The following PLSCR5 variants were observed in gnomAD, a reference collection of about 807,000 sequenced individuals.
PLSCR5 encodes the protein phospholipid scramblase family, member 5.
In PLSCR5, 44 loss-of-function variants were observed where a neutral mutation model predicts 33.6. That is an observed-to-expected ratio of 1.31 (90% CI 1.03 to 1.69). The LOEUF is 1.69. Ranked by LOEUF, PLSCR5 falls within the 40% of genes most tolerant of loss-of-function variation. The pLI, the probability that PLSCR5 is intolerant of heterozygous loss-of-function variation, is 0.00. For missense variants in PLSCR5, 375 were observed against 318.7 expected, an observed-to-expected ratio of 1.18 and a Z score of -1.34; for synonymous variants, 148 against 112.3, an observed-to-expected ratio of 1.32 and a Z score of -2.01.
At chr3:146,589,523 TA>T in intron 6 of PLSCR5, 129 bp downstream of exon 6, 1 of 921,836 alleles carries the variant, frequency 1.1e-6, no homozygotes, top group Non-Finnish European at 1.5e-6. Context: ...ACATTGGTCC[TA>T]AGCTATCCTT....
downstream of PLSCR5, among the ~76,000 whole-genome samples, chr3:146,581,410 G>C (rs1455508889): frequency 6.6e-6 from 1 of 152,146 alleles, no homozygotes; most frequent in East Asian, 1.9e-4. Context: ...ACAAAGGCAG[G>C]AACCTTGTTG....
At chr3:146,578,967 A>G (rs1177056696) in intron 7 of PLSCR5, among the ~76,000 whole-genome samples, 2 of 151,992 alleles carry the variant, frequency 1.3e-5, no homozygotes, top group East Asian at 3.8e-4. Flanking sequence ...CTTTAACAAG[A>G]TTTTTAATGA....
intron 2 of PLSCR5, among the ~76,000 whole-genome samples, chr3:146,596,542 CAA>C (rs377162931): frequency 3.3e-5 from 5 of 152,242 alleles, no homozygotes; most frequent in African/African-American, 1.2e-4. Flanking sequence ...TCCAGTAATG[CAA>C]AAGCATGAAC....
intron 6 of PLSCR5, among the ~76,000 whole-genome samples, chr3:146,586,814 G>A (rs1027369415): frequency 2.6e-5 from 4 of 152,048 alleles, no homozygotes; most frequent in Admixed American, 2.0e-4. Context: ...GCTTTCGCCT[G>A]AATAAAATAG....
intron 5 of PLSCR5, among the ~76,000 whole-genome samples, chr3:146,590,715 T>G (rs900744162): frequency 2.6e-5 from 4 of 152,084 alleles, no homozygotes; most frequent in African/African-American, 9.6e-5. Context: ...CCAAATCCTT[T>G]GGGGATAGGG....
At chr3:146,596,706 A>G (rs376254189) in intron 2 of PLSCR5, among the ~76,000 whole-genome samples, 1 of 152,314 alleles carries the variant, frequency 6.6e-6, no homozygotes, top group East Asian at 1.9e-4. Context: ...TTGATTGGAC[A>G]TCACAATCTC....
chr3:146,601,600 A>G (rs555428306), intron 1 of PLSCR5, among the ~76,000 whole-genome samples: 24 of 126,072 alleles, frequency 1.9e-4, no homozygotes, highest in Admixed American at 7.5e-4. Flanking sequence ...TTGCTTCTGC[A>G]TTGACAACAA....
At chr3:146,592,942 C>T (rs1305803155) in intron 4 of PLSCR5, among the ~76,000 whole-genome samples, 1 of 152,066 alleles carries the variant, frequency 6.6e-6, no homozygotes, top group Non-Finnish European at 1.5e-5. Context: ...TTCTTGGGCT[C>T]CATGCACGAG....
chr3:146,595,314 G>T lies in PLSCR5; in HGVS notation c.190-231C>A, dbSNP rs535089649. On this transcript the variant is annotated intron_variant, in intron 2 of 7. Coordinates refer to ENST00000443512, the MANE Select transcript of PLSCR5 (RefSeq NM_001085420.2). Reference sequence around the variant, plus strand: ...CTTGAAAATTCCAAGGCAGCATTGAGCAAGAATAAGAATAGCAACGGGGCT... The same window carrying T: ...CTTGAAAATTCCAAGGCAGCATTGATCAAGAATAAGAATAGCAACGGGGCT... 2.6e-3 allele frequency among the ~76,000 whole-genome samples: 398 copies of T among 152,200 alleles called. 2 individuals carry two copies. The highest frequency in any genetic ancestry group is 4.6e-3 in the Non-Finnish European group (310 of 68,010).
chr3:146,592,628 A>G (rs1391673551), intron 4 of PLSCR5, among the ~76,000 whole-genome samples: 2 of 152,142 alleles, frequency 1.3e-5, no homozygotes, highest in African/African-American at 4.8e-5. Context: ...TGAAGTTCAT[A>G]GTCTTATGCA....
At chr3:146,596,107 T>C (rs1487984265) in intron 2 of PLSCR5, among the ~76,000 whole-genome samples, 1 of 152,180 alleles carries the variant, frequency 6.6e-6, no homozygotes, top group Non-Finnish European at 1.5e-5. Flanking sequence ...AAATGATGAT[T>C]AAATTAAAAA....
intron 1 of PLSCR5, among the ~76,000 whole-genome samples, chr3:146,601,843 G>A (rs1017515810): frequency 1.3e-5 from 2 of 151,996 alleles, no homozygotes; most frequent in Non-Finnish European, 2.9e-5. Context: ...TTCCTTTGGT[G>A]ATAGTAAATT....
At chr3:146,586,698 T>C (rs2044668680) in intron 6 of PLSCR5, among the ~76,000 whole-genome samples, 1 of 152,074 alleles carries the variant, frequency 6.6e-6, no homozygotes, top group African/African-American at 2.4e-5. Flanking sequence ...AGTGGTGGGT[T>C]GTGAAGCCGT....
intron 1 of PLSCR5, among the ~76,000 whole-genome samples, chr3:146,601,677 G>A (rs2044817266): frequency 6.6e-6 from 1 of 152,068 alleles, no homozygotes; most frequent in Admixed American, 6.6e-5. Flanking sequence ...TACCAAAATT[G>A]AAGCGGAATC....
At chr3:146,603,034 C>A (rs935861374) in intron 1 of PLSCR5, among the ~76,000 whole-genome samples, 1 of 152,074 alleles carries the variant, frequency 6.6e-6, no homozygotes, top group African/African-American at 2.4e-5. Context: ...TTCAGATCAC[C>A]GTGTTTGAGA....
At chr3:146,591,001 T>TC (rs1383769426) in intron 5 of PLSCR5, among the ~76,000 whole-genome samples, 1 of 149,604 alleles carries the variant, frequency 6.7e-6, no homozygotes, top group Admixed American at 6.6e-5. Context: ...TTTTTTGTTT[T>TC]TTTTTTTTGT....
intron 3 of PLSCR5, among the ~76,000 whole-genome samples, chr3:146,594,567 T>A (rs567033018): frequency 5.6e-4 from 85 of 152,196 alleles, no homozygotes; most frequent in African/African-American, 2.0e-3. Context: ...ATTTCAATTT[T>A]TATATATATT....
In PLSCR5 at chr3:146,593,953, AC is replaced by A; in HGVS notation, c.419del (p.Cys140LeufsTer13). The A allele has an allele frequency of 1.9e-6, 3 of 1,613,770 alleles. No individual in the cohort carries two copies. The highest frequency in any genetic ancestry group is 2.5e-6 in the Non-Finnish European group (3 of 1,179,728). ...GGTAGCAAGGGCACCAGCAGCTGTT[AC>A]ATCTCAAGGGCCTGTTCACTGTAAT... ...EVITVNRPLR[C>X]NSCWCPCYLQ... On this transcript the variant is annotated frameshift_variant, in exon 4 of 8. Transcript: ENST00000443512. LOFTEE classifies it high-confidence loss of function.
In PLSCR5 at chr3:146,591,898, T is replaced by G; in HGVS notation, c.454-17A>C. On this transcript the variant is annotated splice_polypyrimidine_tract_variant and intron_variant, in intron 4 of 7. Transcript: ENST00000443512. ...GATTTCTAACTGTAAGAAGAGATAATGATAAAATAAGATTTTCTTAGGTTA... is the reference window on the plus strand; with the variant it reads ...GATTTCTAACTGTAAGAAGAGATAAGGATAAAATAAGATTTTCTTAGGTTA... The G allele has an allele frequency of 6.4e-7, 1 of 1,556,440 alleles. No individual in the cohort carries two copies. Among genetic ancestry groups the G allele is most frequent in the Non-Finnish European group, 8.7e-7 (1 of 1,150,354 alleles).
Sources: allele counts gnomAD v4.1 joint callset (sites outside exome capture counted in the v4.1 genomes callset), GRCh38; gene constraint gnomAD v4.1.1; transcripts MANE v1.5; gene names NCBI Gene and HGNC (gene_info 2026-07-23, HGNC 2026-07-21).